The following TRPV3 variants were observed in gnomAD, a reference collection of about 807,000 sequenced individuals.
TRPV3 encodes the protein transient receptor potential cation channel subfamily V member 3.
A neutral mutation model predicts 87.1 loss-of-function variants in TRPV3; 88 were observed. That is an observed-to-expected ratio of 1.01 (90% CI 0.85 to 1.21). The LOEUF (loss-of-function observed/expected upper bound fraction) is 1.21. Ranked by LOEUF, TRPV3 falls within the 50% of genes most tolerant of loss-of-function variation. The pLI is 0.00. For synonymous variants in TRPV3, 438 were observed against 423.3 expected (o/e 1.03, Z -0.43); for missense variants, 1,054 against 1,030.1 (o/e 1.02, Z -0.32).
At chr17:3,544,539 T>C in intron 4 of TRPV3, 40 bp downstream of exon 4, 2 of 1,340,010 alleles carry the variant, frequency 1.5e-6, no homozygotes, top group Non-Finnish European at 2.1e-6. Flanking sequence ...ACCCCCAGCC[T>C]GGGTGGGCAC....
At chr17:3,535,214 C>A (rs2074391174) in intron 7 of TRPV3, among the ~76,000 whole-genome samples, 2 of 117,740 alleles carry the variant, frequency 1.7e-5, no homozygotes, top group Non-Finnish European at 3.8e-5. Flanking sequence ...CTTCTCCCTT[C>A]TGTCTCCTGC....
At chr17:3,529,907 G>A in intron 9 of TRPV3, 120 bp downstream of exon 9, 2 of 1,134,268 alleles carry the variant, frequency 1.8e-6, no homozygotes, top group East Asian at 2.5e-5. Flanking sequence ...AACAGAGTGG[G>A]GTATGCAGAT....
Position 3,535,583 on chromosome 17 carries a change from G to A in TRPV3, c.774C>T (p.Gly258=), listed in dbSNP as rs747886909. The change falls in exon 7 of 18, where the codon GGC becomes GGT. Residue 258 remains glycine (G), a synonymous_variant. Transcript: ENST00000576742. The part of the protein sequence containing the change: ...AFFNPKYQHE[G]FYFGETPLAL... ...GGGGGCGGCACCCACCGAAGTAGAA[G>A]CCTTCGTGTTGGTACTTGGGGTTGA... The A allele has an allele frequency of 6.2e-7, 1 of 1,603,644 alleles. No individual in the cohort carries two copies. Among genetic ancestry groups the A allele is most frequent in the African/African-American group, 1.4e-5 (1 of 73,888 alleles).
rs961345389 is a variant in TRPV3, at chr17:3,512,435, G to C, written c.*1482C>G. On this transcript the variant is annotated 3_prime_UTR_variant, in exon 18 of 18. Coordinates refer to ENST00000576742, the MANE Select transcript of TRPV3 (RefSeq NM_145068.4). ...GGCCCAGGGCAGAGAAACTGGCCCA[G>C]AGTGCACTGCTAGGCCCCGACTCTT... 1.3e-5 allele frequency: 2 copies of C among 152,200 alleles called. No homozygotes were observed. The highest frequency in any genetic ancestry group is 2.9e-5 in the Non-Finnish European group (2 of 68,042). 9.4% of individuals were successfully genotyped at this position (152,200 alleles called of 1,614,324 possible).
rs376793 is a variant in TRPV3 at position 3,530,378 on chromosome 17, C to T, written c.1066-175G>A. The T allele has an allele frequency of 8.9e-6, 5 of 562,078 alleles. No individual in the cohort carries two copies. In the Admixed American group the frequency reaches 1.7e-4, roughly 19 times the overall value. 34.8% of individuals were successfully genotyped at this position (562,078 alleles called of 1,614,324 possible). A position where few individuals can be genotyped will look rare whatever the true frequency, so the allele number is the denominator to read the frequency against. On this transcript the variant is annotated intron_variant, in intron 8 of 17. Transcript: ENST00000576742. This position sits in a 1 kb window ranked among gnomAD's most constrained non-coding sequence, Gnocchi z 4.0. ...GCCCCGTCTTTATCTGTGGAATGCG[C>T]ACAAAGCTTGCTGTTCCGCCCATCT...
chr17:3,526,100 C>T (rs548629360), intron 12 of TRPV3, among the ~76,000 whole-genome samples: 2 of 152,186 alleles, frequency 1.3e-5, no homozygotes, highest in African/African-American at 2.4e-5. Flanking sequence ...AACACAGGCA[C>T]GATTGTAAGA....
At chr17:3,531,051 A>T (rs1383588148) in intron 8 of TRPV3, among the ~76,000 whole-genome samples, 3 of 129,998 alleles carry the variant, frequency 2.3e-5, no homozygotes, top group African/African-American at 7.7e-5. Context: ...GTGAGACTCT[A>T]GTCTCAAAAA....
Position 3,544,572 on chromosome 17 carries a change from G to C in TRPV3, c.311+7C>G. On this transcript the variant is annotated splice_region_variant and intron_variant, in intron 4 of 17. Transcript: ENST00000576742. ...CACAGTGGGTGGAGGGGGAGGGGCA[G>C]ACTTACCTGGGGCTGTTGGGATTGG... The C allele has an allele frequency of 6.3e-7, 1 of 1,592,930 alleles. No homozygotes were observed. The highest frequency in any genetic ancestry group is 8.5e-7 in the Non-Finnish European group (1 of 1,170,142).
In TRPV3 at chr17:3,528,002, G is replaced by C; in HGVS notation, c.1503+23C>G. 1.3e-6 allele frequency: 2 copies of C among 1,588,052 alleles called. No individual in the cohort carries two copies. Among genetic ancestry groups the C allele is most frequent in the Non-Finnish European group, 1.7e-6 (2 of 1,158,084 alleles). On this transcript the variant is annotated intron_variant, in intron 11 of 17. Coordinates refer to ENST00000576742, the MANE Select transcript of TRPV3 (RefSeq NM_145068.4). The surrounding 1 kb of genome is among the most constrained non-coding windows in gnomAD (Gnocchi z 4.2). Reference sequence around the variant, plus strand: ...CCTGCCTGCCTCGCGGGGCGGTCTGGAAGGGCCGGGTGGCCCACTTACCTC... The same window carrying C: ...CCTGCCTGCCTCGCGGGGCGGTCTGCAAGGGCCGGGTGGCCCACTTACCTC...
At chr17:3,550,056 T>TGATGGATG (rs369513708) in intron 2 of TRPV3, among the ~76,000 whole-genome samples, 1 of 150,554 alleles carries the variant, frequency 6.6e-6, no homozygotes, top group African/African-American at 2.4e-5. Context: ...GGTGAATAAA[T>TGATGGATG]GATGGATGGA....
chr17:3,540,311 G>T (rs962721505), intron 6 of TRPV3, among the ~76,000 whole-genome samples: 1 of 152,036 alleles, frequency 6.6e-6, no homozygotes, highest in African/African-American at 2.4e-5. Flanking sequence ...AGGAAGGAAG[G>T]CACCAGCGGA....
Position 3,542,604 on chromosome 17 carries a change from C to T in TRPV3, c.561G>A (p.Val187=). 2 of 1,614,020 alleles carry T rather than the reference C, an allele frequency of 1.2e-6. No homozygotes were observed. The highest frequency in any genetic ancestry group is 1.6e-4 in the Middle Eastern group (1 of 6,062). ...CTTCAGCAAAGGCAAGCAGGATCCGCACTATCTCCTTGGTGTTGGGGTTGA... is the reference window on the plus strand; with the variant it reads ...CTTCAGCAAAGGCAAGCAGGATCCGTACTATCTCCTTGGTGTTGGGGTTGA... ...LNINPNTKEI[V]RILLAFAEEN... is the part of the protein sequence containing the mutation. Residue 187 remains valine, a synonymous_variant, in exon 6 of 18, where the codon GTG becomes GTA. Coordinates refer to ENST00000576742, the MANE Select transcript of TRPV3 (RefSeq NM_145068.4).
Position 3,557,560 on chromosome 17 carries a change from C to T in TRPV3, c.-3+116G>A, listed in dbSNP as rs976096382. The T allele has an allele frequency of 5.3e-5, 8 of 152,360 alleles. No individual in the cohort carries two copies. Among genetic ancestry groups the T allele is most frequent in the Non-Finnish European group, 1.0e-4 (7 of 68,134 alleles). The allele number at this position is 152,360 out of a possible 1,614,324, so 9.4% of individuals were successfully genotyped here. ...TGGGGCCCAAGCTCCTTCCAACCCTCCTCCCAAGGCCTATTGGCCAAGGGC... is the reference window on the plus strand; with the variant it reads ...TGGGGCCCAAGCTCCTTCCAACCCTTCTCCCAAGGCCTATTGGCCAAGGGC... On this transcript the variant is annotated intron_variant, in intron 1 of 17. Coordinates refer to ENST00000576742, the MANE Select transcript of TRPV3 (RefSeq NM_145068.4). This position sits in a 1 kb window ranked among gnomAD's most constrained non-coding sequence, Gnocchi z 4.5.
Position 3,557,002 on chromosome 17 carries a change from C to G in TRPV3, c.-3+674G>C, listed in dbSNP as rs1417453958. Among the ~76,000 whole-genome samples, 1 of 152,090 alleles carries G rather than the reference C, an allele frequency of 6.6e-6. No individual in the cohort carries two copies. Among genetic ancestry groups the G allele is most frequent in the Non-Finnish European group, 1.5e-5 (1 of 68,010 alleles). On this transcript the variant is annotated intron_variant, in intron 1 of 17. Coordinates refer to ENST00000576742, the MANE Select transcript of TRPV3 (RefSeq NM_145068.4). This position sits in a 1 kb window ranked among gnomAD's most constrained non-coding sequence, Gnocchi z 4.5. Reference sequence around the variant, plus strand: ...TGGCCCTGAGAGCTGGTTGCTCTCTCTCTTCTCTGGGCCCGAGAATGTGGC... The same window carrying G: ...TGGCCCTGAGAGCTGGTTGCTCTCTGTCTTCTCTGGGCCCGAGAATGTGGC...
At chr17:3,539,389 C>A (rs114223842) in intron 6 of TRPV3, among the ~76,000 whole-genome samples, 1 of 151,976 alleles carries the variant, frequency 6.6e-6, no homozygotes, top group Non-Finnish European at 1.5e-5. Flanking sequence ...TGCGGTGGCT[C>A]ACGCCTATAA....
intron 6 of TRPV3, among the ~76,000 whole-genome samples, chr17:3,541,355 G>A (rs760356817): frequency 1.0e-3 from 156 of 152,302 alleles, no homozygotes; most frequent in Non-Finnish European, 1.6e-3. Context: ...GCAACAGAGC[G>A]AGACTCCATG....
intron 14 of TRPV3, among the ~76,000 whole-genome samples, chr17:3,519,969 A>T (rs62071325): frequency 3.0e-4 from 21 of 70,380 alleles, no homozygotes; most frequent in Middle Eastern, 0.013. Context: ...TCGATGGATG[A>T]ATGATTGGAT....
At chr17:3,534,336 T>C (rs1254005562) in intron 7 of TRPV3, among the ~76,000 whole-genome samples, 3 of 151,772 alleles carry the variant, frequency 2.0e-5, no homozygotes, top group African/African-American at 7.3e-5. Flanking sequence ...GAGGCTGCAG[T>C]GAGCCAGATG....
intron 15 of TRPV3, 72 bp from the exon 16 acceptor site, chr17:3,516,641 G>C: frequency 9.1e-7 from 1 of 1,102,850 alleles, no homozygotes; most frequent in Non-Finnish European, 1.4e-6. Context: ...ACACACTGTC[G>C]GGGAGCCCAC....
Sources: allele counts gnomAD v4.1 joint callset (sites outside exome capture counted in the v4.1 genomes callset), GRCh38; gene constraint gnomAD v4.1.1; non-coding constraint Gnocchi (gnomAD v3.1); transcripts MANE v1.5; gene names NCBI Gene and HGNC (gene_info 2026-07-23, HGNC 2026-07-21).